PACRGL: variants seen among roughly 807,000 people sequenced by gnomAD.
The protein encoded by PACRGL is PACRG-like protein.
In PACRGL, 38 loss-of-function variants were observed where a neutral mutation model predicts 34.5. The ratio of observed to expected loss-of-function variants is 1.10; its 90% confidence interval spans 0.85 to 1.44. The LOEUF is 1.44. Among genes scored for constraint, PACRGL ranks in the 40% most tolerant of loss-of-function variants. The pLI is 0.00. For missense variants in PACRGL, 305 were observed against 281.4 expected (o/e 1.08, Z -0.60); for synonymous variants, 128 against 100.1 (o/e 1.28, Z -1.66).
Position 20,731,493 on chromosome 4 carries a change from C to CTGTT in PACRGL, c.*4154_*4157dup, listed in dbSNP as rs530971443. 1.1e-4 allele frequency: 110 copies of CTGTT among 985,332 alleles called. No homozygotes were observed. In the African/African-American group the frequency reaches 1.8e-3, roughly 16 times the overall value. 61.0% of individuals were successfully genotyped at this position (985,332 alleles called of 1,614,324 possible). A position where few individuals can be genotyped will look rare whatever the true frequency, so the allele number is the denominator to read the frequency against. On this transcript the variant is annotated 3_prime_UTR_variant, in exon 9 of 9. Coordinates refer to ENST00000503585, the MANE Select transcript of PACRGL (RefSeq NM_001258345.3). Reference sequence around the variant, plus strand: ...AGTTCTCTTCAGAGAAAATTTTCCACTGTTTATTTTTTGTGACTGAAGACC... The same window carrying CTGTT: ...AGTTCTCTTCAGAGAAAATTTTCCACTGTTTGTTTATTTTTTGTGACTGAAGACC...
downstream of PACRGL, among the ~76,000 whole-genome samples, chr4:20,756,039 CG>C (rs1560440869): frequency 6.6e-6 from 1 of 152,048 alleles, no homozygotes; most frequent in African/African-American, 2.4e-5. Context: ...TGCATTTTAA[CG>C]GGATCACTCT....
chr4:20,751,878 T>G lies in PACRGL; in HGVS notation c.*57-687T>G, dbSNP rs911258894. ...TTTAGAAGTTACAGCGGCTTCCCAG[T>G]CTAGACAATCTATGCACAGAGGTTT... On this transcript the variant is annotated intron_variant, in intron 8 of 8. Transcript: ENST00000507634. 6.6e-5 allele frequency among the ~76,000 whole-genome samples: 10 copies of G among 152,202 alleles called. No individual in the cohort carries two copies. In the Middle Eastern group the frequency reaches 0.014, roughly 207 times the overall value.
intron 7 of PACRGL, 74 bp downstream of exon 7, chr4:20,713,613 A>G (rs1393629383): frequency 7.8e-7 from 1 of 1,290,296 alleles, no homozygotes; most frequent in Non-Finnish European, 1.1e-6. Flanking sequence ...ATGATTTAAC[A>G]ATTTCAAATC....
intron 8 of PACRGL, among the ~76,000 whole-genome samples, chr4:20,739,330 T>C (rs1750489831): frequency 6.6e-6 from 1 of 152,162 alleles, no homozygotes; most frequent in African/African-American, 2.4e-5. Flanking sequence ...AAACACCTCC[T>C]AGTAGGGGCA....
chr4:20,707,147 TGTAA>T (rs1045176081), intron 3 of PACRGL, among the ~76,000 whole-genome samples: 17 of 152,352 alleles, frequency 1.1e-4, no homozygotes, highest in African/African-American at 3.4e-4. Flanking sequence ...CTAAATCCTC[TGTAA>T]GTCTCTTATC....
rs993946013 is a variant in PACRGL at position 20,729,760 on chromosome 4, A to G, written c.*2419A>G. The G allele has an allele frequency of 1.3e-5, 3 of 227,128 alleles. No individual in the cohort carries two copies. The highest frequency in any genetic ancestry group is 1.7e-5 in the Non-Finnish European group (2 of 117,414). 14.1% of individuals were successfully genotyped at this position (227,128 alleles called of 1,614,324 possible). A position where few individuals can be genotyped will look rare whatever the true frequency, so the allele number is the denominator to read the frequency against. ...GTAGCAAAAAACACTGATATTTTAA[A>G]ATCACTGATATGTGAAAGCCTCAAT... On this transcript the variant is annotated 3_prime_UTR_variant, in exon 9 of 9. Transcript: ENST00000503585.
intron 7 of PACRGL, 135 bp from the exon 8 acceptor site, chr4:20,724,673 A>T (rs1481196176): frequency 2.3e-6 from 1 of 433,088 alleles, no homozygotes; most frequent in African/African-American, 2.0e-5. Flanking sequence ...TTATACATGT[A>T]AATTTCAATG....
chr4:20,754,285 T>G (rs537874774), downstream of PACRGL, among the ~76,000 whole-genome samples: 1 of 152,282 alleles, frequency 6.6e-6, no homozygotes, highest in African/African-American at 2.4e-5. Flanking sequence ...GCTAACAGCC[T>G]GACACAATAC....
At chr4:20,748,289 G>T (rs746700918) in intron 8 of PACRGL, among the ~76,000 whole-genome samples, 1 of 151,926 alleles carries the variant, frequency 6.6e-6, no homozygotes, top group Non-Finnish European at 1.5e-5. Context: ...TCCCAGGCCT[G>T]ATATACTCTG....
At chr4:20,713,410 C>G in intron 6 of PACRGL, 22 bp from the exon 7 acceptor site, 1 of 1,586,852 alleles carries the variant, frequency 6.3e-7, no homozygotes, top group Non-Finnish European at 8.6e-7. Context: ...TCCATACATC[C>G]CCCAACTAAC....
At chr4:20,763,284 G>T in the PACRGL span, among the ~76,000 whole-genome samples, 121,096 of 152,156 alleles carry the variant, frequency 0.8, 48,978 homozygotes, top group African/African-American at 0.94. Flanking sequence ...ATGAGGGATA[G>T]TCAACCTGTA....
intron 7 of PACRGL, chr4:20,716,265 G>T: frequency 1.4e-6 from 1 of 708,062 alleles, no homozygotes; most frequent in Non-Finnish European, 2.5e-6. Context: ...GGCACATAGG[G>T]CAGGGTCCAT....
At chr4:20,732,660 G>C (rs1420459166), downstream of PACRGL, 1 of 1,510,922 alleles carries the variant, frequency 6.6e-7, no homozygotes, top group South Asian at 1.1e-5. Flanking sequence ...ATGCCCTCTT[G>C]ACTTCTGTTT....
At chr4:20,727,256 A>G (rs1363441004) in intron 8 of PACRGL, 29 bp from the exon 9 acceptor site, 5 of 1,575,976 alleles carry the variant, frequency 3.2e-6, no homozygotes, top group Non-Finnish European at 4.4e-6. Flanking sequence ...GCATGATACT[A>G]ATGATGCTCA....
At chr4:20,763,672 T>TC in the PACRGL span, among the ~76,000 whole-genome samples, 3 of 152,130 alleles carry the variant, frequency 2.0e-5, no homozygotes, top group Non-Finnish European at 2.9e-5. Context: ...TGAAAGATAC[T>TC]CCAAGTGTCT....
the PACRGL span, among the ~76,000 whole-genome samples, chr4:20,766,351 C>A: frequency 6.6e-6 from 1 of 152,184 alleles, no homozygotes; most frequent in African/African-American, 2.4e-5. Flanking sequence ...GGTGGATCAC[C>A]TGAAATCAGT....
At chr4:20,697,155 C>G (rs1015749545), upstream of PACRGL, among the ~76,000 whole-genome samples, 2 of 152,202 alleles carry the variant, frequency 1.3e-5, no homozygotes, top group Non-Finnish European at 2.9e-5. Context: ...CAAGCGGACA[C>G]TCAATGACTT....
chr4:20,706,644 T>G (rs1399672462), intron 3 of PACRGL, among the ~76,000 whole-genome samples: 1 of 152,012 alleles, frequency 6.6e-6, no homozygotes. Context: ...GGCACAATCT[T>G]GGTTCACTGC....
At chr4:20,714,124 T>G (rs59335491) in intron 7 of PACRGL, among the ~76,000 whole-genome samples, 49,188 of 151,792 alleles carry the variant, frequency 0.32, 8,422 homozygotes, top group African/African-American at 0.43. Flanking sequence ...TATTATTGTG[T>G]GGGAGTCGAA....
Sources: gnomAD v4.1 joint callset for allele counts (sites outside exome capture counted in the v4.1 genomes callset) on GRCh38, gnomAD v4.1.1 for gene constraint, MANE v1.5 for transcripts, NCBI Gene and HGNC (gene_info 2026-07-23, HGNC 2026-07-21) for gene names.